The following PLA2G4C variants were observed in gnomAD, a reference collection of about 807,000 sequenced individuals.
PLA2G4C encodes cytosolic phospholipase A2 gamma.
A neutral mutation model predicts 73.8 loss-of-function variants in PLA2G4C; 64 were observed. That is an observed-to-expected ratio of 0.87 (90% CI 0.71 to 1.07). The LOEUF is 1.07. Among genes scored for constraint, PLA2G4C ranks in the 50% least tolerant of loss-of-function variants. The probability of loss-of-function intolerance (pLI) is 0.00; values close to 1 mark genes in which losing one functional copy is unlikely to be tolerated. For missense variants in PLA2G4C, 622 were observed against 665.4 expected, an observed-to-expected ratio of 0.93 and a Z score of 0.72; for synonymous variants, 254 against 252.1, an observed-to-expected ratio of 1.01 and a Z score of -0.07.
chr19:48,110,531 T>TGCTCCGTAATCCGGTGCGGAGGCTTGG lies in PLA2G4C; in HGVS notation c.-78_-77insCCAAGCCTCCGCACCGGATTACGGAGC. The TGCTCCGTAATCCGGTGCGGAGGCTTGG allele has an allele frequency of 1.4e-6, 2 of 1,386,156 alleles. No individual in the cohort carries two copies. The highest frequency in any genetic ancestry group is 1.9e-6 in the Non-Finnish European group (2 of 1,049,480). The allele number at this position is 1,386,156 out of a possible 1,614,324, so 85.9% of individuals were successfully genotyped here. On this transcript the variant is annotated 5_prime_UTR_variant, in exon 1 of 17. Coordinates refer to ENST00000599921, the MANE Select transcript of PLA2G4C (RefSeq NM_003706.3). Reference sequence around the variant, plus strand: ...GTGTGCGCATGCGCGGTGGAGCTTGTGCTCCGGAATCCGGTGCGGAGGCTT... The same window carrying TGCTCCGTAATCCGGTGCGGAGGCTTGG: ...GTGTGCGCATGCGCGGTGGAGCTTGTGCTCCGTAATCCGGTGCGGAGGCTTGGGCTCCGGAATCCGGTGCGGAGGCTT...
At position 48,075,532 on chromosome 19, in the gene PLA2G4C, ACTCT is replaced by A. The variant is rs563094479; in HGVS notation, c.899-662_899-659del. ...ACACTCATGAATTAGATGATGTTCA[ACTCT>A]CTCTCTCTCACACACACACACTGAT... On this transcript the variant is annotated intron_variant, in intron 11 of 16. Coordinates refer to ENST00000599921, the MANE Select transcript of PLA2G4C (RefSeq NM_003706.3). Among the ~76,000 whole-genome samples, 10 of 151,286 alleles carry A rather than the reference ACTCT, an allele frequency of 6.6e-5. No individual in the cohort carries two copies. The South Asian group carries it at 2.1e-3, about 32-fold the overall frequency.
chr19:48,095,515 T>C lies in PLA2G4C; in HGVS notation c.658A>G (p.Lys220Glu). 6.2e-7 allele frequency: 1 copy of C among 1,614,012 alleles called. No individual in the cohort carries two copies. Among genetic ancestry groups the C allele is most frequent in the Non-Finnish European group, 8.5e-7 (1 of 1,179,990 alleles). ...GGGTGAGTTCTGACCAGTCTTCCCT[T>C]CTTGAATTTGCTTCCGAAGTGGGTT... ...SITHFGSKFK[K>E]GRLVRTHPER... The change falls in exon 7 of 17, where the codon AAG (lysine) becomes GAG (glutamate). Residue 220 changes from lysine to glutamate, a missense_variant. Coordinates refer to ENST00000599921, the MANE Select transcript of PLA2G4C (RefSeq NM_003706.3).
intron 12 of PLA2G4C, among the ~76,000 whole-genome samples, chr19:48,069,833 C>T (rs1012645318): frequency 2.6e-5 from 4 of 152,030 alleles, no homozygotes; most frequent in South Asian, 2.1e-4. Context: ...GGTGCAATCT[C>T]GGCTCACTGC....
At chr19:48,098,083 C>T in intron 6 of PLA2G4C, 56 bp downstream of exon 6, 1 of 1,573,230 alleles carries the variant, frequency 6.4e-7, no homozygotes, top group South Asian at 1.2e-5. Context: ...TCTTCCATTC[C>T]ACTCCGTGCT....
At chr19:48,074,009 T>C (rs867967677) in intron 12 of PLA2G4C, among the ~76,000 whole-genome samples, 11 of 152,096 alleles carry the variant, frequency 7.2e-5, no homozygotes, top group African/African-American at 2.7e-4. Flanking sequence ...CCGGGACACA[T>C]GTGCAGGACG....
chr19:48,058,018 G>T (rs1470266658), intron 14 of PLA2G4C, among the ~76,000 whole-genome samples: 4 of 151,396 alleles, frequency 2.6e-5, no homozygotes, highest in Non-Finnish European at 5.9e-5. Flanking sequence ...AATTTTTTTG[G>T]CCGGGTGTGG....
At position 48,053,083 on chromosome 19, in the gene PLA2G4C, A is replaced by T; in HGVS notation, c.1494T>A (p.Asp498Glu). ...CTAATGCCAAGAGTAGCACCACCACATCTAGAGTGTAGGTGTCAGCAAGCT... is the reference window on the plus strand; with the variant it reads ...CTAATGCCAAGAGTAGCACCACCACTTCTAGAGTGTAGGTGTCAGCAAGCT... ...TFKLADTYTL[D>E]VVVLLLALAK... Residue 498 changes from aspartate (D) to glutamate (E), a missense_variant, in exon 16 of 17, where the codon GAT becomes GAA. Physicochemically the swap from Asp to Glu is conservative, Grantham distance 45 (BLOSUM62 2). Transcript: ENST00000599921. 6.2e-7 allele frequency: 1 copy of T among 1,612,324 alleles called. No homozygotes were observed. Among genetic ancestry groups the T allele is most frequent in the East Asian group, 2.2e-5 (1 of 44,838 alleles).
intron 10 of PLA2G4C, among the ~76,000 whole-genome samples, chr19:48,081,107 G>T (rs1425601928): frequency 1.3e-5 from 2 of 151,772 alleles, no homozygotes; most frequent in East Asian, 3.9e-4. Context: ...GGAGCTTGCG[G>T]TGAGCCGAGA....
rs771817069 is a variant in PLA2G4C at position 48,105,444 on chromosome 19, G to T, written c.9C>A (p.Ser3Arg). MGSSEVSIIPGLQ... is the reference protein window; with the variant it reads MGRSEVSIIPGLQ... ...GCCCAGGAATTATGGAAACTTCAGA[G>T]CTTCCCAGGAGAAAACACAAAGAAG... Residue 3 changes from serine to arginine, a missense_variant and splice_region_variant, in exon 3 of 17, where the codon AGC becomes AGA. By Grantham distance (110) the Ser-to-Arg change is moderately radical (BLOSUM62 -1). Coordinates refer to ENST00000599921, the MANE Select transcript of PLA2G4C (RefSeq NM_003706.3). 1.9e-5 allele frequency: 30 copies of T among 1,608,672 alleles called. No homozygotes were observed. Among genetic ancestry groups the T allele is most frequent in the Middle Eastern group, 3.3e-4 (2 of 6,064 alleles).
rs140434109 is a variant in PLA2G4C at position 48,049,840 on chromosome 19, C to T, written c.1581-1452G>A. On this transcript the variant is annotated intron_variant, in intron 16 of 16. Transcript: ENST00000599921. ...CAAGGAGAGAGGTCTCAGGAGAAAC[C>T]ACCCCTGTTCACACCTTGATCTTGG... Among the ~76,000 whole-genome samples, 449 of 152,254 alleles carry T rather than the reference C, an allele frequency of 2.9e-3. 1 individual carries two copies. The highest frequency in any genetic ancestry group is 0.02 in the Middle Eastern group (6 of 294).
intron 13 of PLA2G4C, 48 bp downstream of exon 13, chr19:48,067,743 A>T: frequency 8.0e-7 from 1 of 1,254,998 alleles, no homozygotes; most frequent in Non-Finnish European, 1.2e-6. Flanking sequence ...ACTCCAGCCC[A>T]TTCACACGCA....
chr19:48,054,450 C>T (rs1050220401), intron 15 of PLA2G4C, among the ~76,000 whole-genome samples: 8 of 151,718 alleles, frequency 5.3e-5, no homozygotes, highest in South Asian at 2.1e-4. Flanking sequence ...ATTACAGGCA[C>T]GCACCACCAA....
At chr19:48,106,732 G>A in intron 1 of PLA2G4C, 171 bp from the exon 2 acceptor site, 2 of 581,680 alleles carry the variant, frequency 3.4e-6, no homozygotes, top group South Asian at 4.4e-5. Flanking sequence ...AATAATCTCA[G>A]GGGCGGCCAA....
Position 48,062,027 on chromosome 19 carries a change from A to T in PLA2G4C, c.1228T>A (p.Phe410Ile). Reference sequence around the variant, plus strand: ...AAAGGATCTCCGGCACTGAAGTCGAAGGAGAGGATGAGGTGAACCTCCCGC... The same window carrying T: ...AAAGGATCTCCGGCACTGAAGTCGATGGAGAGGATGAGGTGAACCTCCCGC... ...PTREVHLILS[F>I]DFSAGDPFET... Residue 410 changes from phenylalanine to isoleucine, a missense_variant, in exon 14 of 17, where the codon TTC (phenylalanine) becomes ATC (isoleucine). Phe to Ile is a conservative substitution (Grantham distance 21, BLOSUM62 0). Coordinates refer to ENST00000599921, the MANE Select transcript of PLA2G4C (RefSeq NM_003706.3). 6.2e-7 allele frequency: 1 copy of T among 1,613,952 alleles called. No individual in the cohort carries two copies. The highest frequency in any genetic ancestry group is 8.5e-7 in the Non-Finnish European group (1 of 1,179,966).
intron 9 of PLA2G4C, among the ~76,000 whole-genome samples, chr19:48,086,735 G>A (rs11564577): frequency 0.028 from 4,188 of 152,226 alleles, 153 homozygotes; most frequent in African/African-American, 0.084. Context: ...GATAACACTG[G>A]GCCCAGGAAG....
rs758794837 is a variant in PLA2G4C at position 48,105,318 on chromosome 19, C to T, written c.120+15G>A. The T allele has an allele frequency of 6.4e-7, 1 of 1,573,120 alleles. No homozygotes were observed. Among genetic ancestry groups the T allele is most frequent in the South Asian group, 1.1e-5 (1 of 88,848 alleles). Reference sequence around the variant, plus strand: ...ATTCTGGGATCTCTGGGGCCACCCTCCTCCCCTCACTTACCTCATCAGCCT... The same window carrying T: ...ATTCTGGGATCTCTGGGGCCACCCTTCTCCCCTCACTTACCTCATCAGCCT... On this transcript the variant is annotated intron_variant, in intron 3 of 16. Coordinates refer to ENST00000599921, the MANE Select transcript of PLA2G4C (RefSeq NM_003706.3).
At chr19:48,056,832 C>CAAAAAA (rs34317694) in intron 14 of PLA2G4C, among the ~76,000 whole-genome samples, 1 of 83,800 alleles carries the variant, frequency 1.2e-5, no homozygotes, top group African/African-American at 5.0e-5. Context: ...GACTCTGTCT[C>CAAAAAA]AAAAAAAAAA....
At chr19:48,087,896 A>G (rs2031074850) in intron 9 of PLA2G4C, among the ~76,000 whole-genome samples, 1 of 150,412 alleles carries the variant, frequency 6.6e-6, no homozygotes, top group Admixed American at 6.7e-5. Flanking sequence ...AGATCATGCC[A>G]TTGTATTCCA....
chr19:48,085,543 G>C (rs1357054316), intron 9 of PLA2G4C, among the ~76,000 whole-genome samples: 1 of 152,190 alleles, frequency 6.6e-6, no homozygotes, highest in African/African-American at 2.4e-5. Flanking sequence ...CTATGAAAGA[G>C]CAGGACAGCA....
Sources: allele counts gnomAD v4.1 joint callset (sites outside exome capture counted in the v4.1 genomes callset), GRCh38; gene constraint gnomAD v4.1.1; transcripts MANE v1.5; gene names NCBI Gene and HGNC (gene_info 2026-07-23, HGNC 2026-07-21).